The following FNIP1 variants were observed in gnomAD, a reference collection of about 807,000 sequenced individuals.
FNIP1 encodes the protein folliculin interacting protein 1.
In FNIP1, 40 loss-of-function variants were observed where a neutral mutation model predicts 124.5. The ratio of observed to expected loss-of-function variants is 0.32; its 90% CI spans 0.25 to 0.42. The LOEUF (loss-of-function observed/expected upper bound fraction) is 0.42. Ranked by LOEUF, FNIP1 falls within the 10% of genes least tolerant of loss-of-function variation. The pLI is 1.00. For missense variants in FNIP1, 1,176 were observed against 1,403.7 expected (o/e 0.84, Z 2.59); for synonymous variants, 472 against 470.6 (o/e 1.00, Z -0.04).
chr5:131,709,049 T>A, intron 8 of FNIP1, 152 bp downstream of exon 8: 2 of 614,030 alleles, frequency 3.3e-6, no homozygotes, highest in South Asian at 4.3e-5. Context: ...TGAAAAATAT[T>A]AAATTTATAA....
At position 131,644,143 on chromosome 5, in the gene FNIP1, C is replaced by A. The variant is rs937543346; in HGVS notation, c.*542G>T. 4 of 152,280 alleles carry A rather than the reference C, an allele frequency of 2.6e-5. No homozygotes were observed. The highest frequency in any genetic ancestry group is 9.7e-5 in the African/African-American group (4 of 41,412). 9.4% of individuals were successfully genotyped at this position (152,280 alleles called of 1,614,324 possible). A position where few individuals can be genotyped will look rare whatever the true frequency, so the allele number is the denominator to read the frequency against. On this transcript the variant is annotated 3_prime_UTR_variant, in exon 18 of 18. Coordinates refer to ENST00000510461, the MANE Select transcript of FNIP1 (RefSeq NM_133372.3). ...GTACACTTGGGTGGATAACATAACACATTTACACTCATTATTCTGAGTTTC... is the reference window on the plus strand; with the variant it reads ...GTACACTTGGGTGGATAACATAACAAATTTACACTCATTATTCTGAGTTTC...
intron 3 of FNIP1, among the ~76,000 whole-genome samples, chr5:131,723,408 A>G (rs967481530): frequency 1.4e-4 from 22 of 152,176 alleles, no homozygotes; most frequent in Non-Finnish European, 3.2e-4. Flanking sequence ...ATACAGTAAA[A>G]ATATTAATAA....
chr5:131,796,427 G>C (rs915495846), intron 1 of FNIP1: 1 of 198,282 alleles, frequency 5.0e-6, no homozygotes, highest in Non-Finnish European at 1.0e-5. Context: ...AACTGGTCAC[G>C]GGGAGGAGGG....
At chr5:131,666,128 C>T (rs1333708617) in intron 15 of FNIP1, among the ~76,000 whole-genome samples, 1 of 152,096 alleles carries the variant, frequency 6.6e-6, no homozygotes, top group Non-Finnish European at 1.5e-5. Flanking sequence ...ACCTCATGAT[C>T]TGCCTACCTC....
chr5:131,777,666 T>G (rs1305276658), intron 1 of FNIP1, among the ~76,000 whole-genome samples: 1 of 152,170 alleles, frequency 6.6e-6, no homozygotes, highest in African/African-American at 2.4e-5. Flanking sequence ...AACTGGTAAA[T>G]AAAACATATA....
intron 15 of FNIP1, among the ~76,000 whole-genome samples, chr5:131,660,509 T>A (rs958341145): frequency 6.6e-6 from 1 of 151,998 alleles, no homozygotes; most frequent in Non-Finnish European, 1.5e-5. Flanking sequence ...TTCAACCCCC[T>A]ATGATGTTAT....
At chr5:131,761,996 T>C (rs1580817933) in intron 1 of FNIP1, among the ~76,000 whole-genome samples, 2 of 152,132 alleles carry the variant, frequency 1.3e-5, no homozygotes. Flanking sequence ...GCCAAGAACA[T>C]ACATTTGAGA....
At chr5:131,666,616 C>G (rs1383652751) in intron 15 of FNIP1, among the ~76,000 whole-genome samples, 1 of 152,126 alleles carries the variant, frequency 6.6e-6, no homozygotes, top group Non-Finnish European at 1.5e-5. Flanking sequence ...TTAAAAACTT[C>G]TCTGAGCCAT....
Position 131,672,527 on chromosome 5 carries a change from C to A in FNIP1, c.1917G>T (p.Glu639Asp). Reference protein sequence around the residue: ...EREDIQNSSKELLGISDECQM... With the variant: ...EREDIQNSSKDLLGISDECQM... ...GGCACTCATCTGAAATTCCTAGCAG[C>A]TCCTTAGAGCTGTTTTGAATATCTT... The change falls in exon 14 of 18, where the codon GAG becomes GAT. Residue 639 changes from glutamate (E) to aspartate (D), a missense_variant. Glu to Asp is a conservative substitution (Grantham distance 45). This residue lies in a region of FNIP1 where 1,109 missense variants were observed against 1,288.5 expected (regional missense o/e 0.86). Transcript: ENST00000510461. 6.2e-7 allele frequency: 1 copy of A among 1,613,812 alleles called. No homozygotes were observed. The highest frequency in any genetic ancestry group is 8.5e-7 in the Non-Finnish European group (1 of 1,180,028).
intron 6 of FNIP1, 61 bp downstream of exon 6, chr5:131,716,503 CA>C: frequency 8.7e-7 from 1 of 1,147,832 alleles, no homozygotes; most frequent in Non-Finnish European, 1.3e-6. Flanking sequence ...GGAATAACTT[CA>C]AAAAACACTT....
chr5:131,758,479 A>G lies in FNIP1; in HGVS notation c.93-13789T>C, dbSNP rs193302052. Among the ~76,000 whole-genome samples, 5 of 152,328 alleles carry G rather than the reference A, an allele frequency of 3.3e-5. No individual in the cohort carries two copies. The East Asian group carries it at 9.6e-4, about 29-fold the overall frequency. ...ACTGAAGACAAATGTAAGCCAAATCACTAACAGTGTTAAGTATACCACCAC... is the reference window on the plus strand; with the variant it reads ...ACTGAAGACAAATGTAAGCCAAATCGCTAACAGTGTTAAGTATACCACCAC... On this transcript the variant is annotated intron_variant, in intron 1 of 17. Transcript: ENST00000510461.
intron 2 of FNIP1, among the ~76,000 whole-genome samples, chr5:131,735,603 T>C (rs1770271034): frequency 1.3e-5 from 2 of 148,956 alleles, no homozygotes; most frequent in Non-Finnish European, 3.0e-5. Flanking sequence ...TATATATGTA[T>C]ACATATACAC....
At chr5:131,740,564 G>C (rs1440235977) in intron 2 of FNIP1, among the ~76,000 whole-genome samples, 1 of 152,186 alleles carries the variant, frequency 6.6e-6, no homozygotes, top group African/African-American at 2.4e-5. Context: ...CAATGTCTAG[G>C]ATAAGGATAA....
chr5:131,685,448 CTT>C lies in FNIP1; in HGVS notation c.1203-6275_1203-6274del, dbSNP rs368323566. The stretch of plus-strand genomic sequence containing the variant: ...CAGGGGAAGCAAAACCCTTAAGAAT[CTT>C]TTTTTTTTTTTTTTTTGAGATGGAG... On this transcript the variant is annotated intron_variant, in intron 11 of 17. Coordinates refer to ENST00000510461, the MANE Select transcript of FNIP1 (RefSeq NM_133372.3). Among the ~76,000 whole-genome samples the C allele has an allele frequency of 3.1e-4, 39 of 126,052 alleles. No individual in the cohort carries two copies. In the East Asian group the frequency reaches 6.9e-3, roughly 22 times the overall value. The allele number at this position is 126,052 out of a possible 152,430, so 82.7% of individuals were successfully genotyped here. A position where few individuals can be genotyped will look rare whatever the true frequency, so the allele number is the denominator to read the frequency against.
intron 6 of FNIP1, among the ~76,000 whole-genome samples, chr5:131,711,529 T>C (rs1157248201): frequency 6.6e-6 from 1 of 152,256 alleles, no homozygotes; most frequent in Non-Finnish European, 1.5e-5. Flanking sequence ...AGTTTTGCTC[T>C]GTCATGTAGG....
At chr5:131,644,908 T>C in intron 17 of FNIP1, 145 bp from the exon 18 acceptor site, 1 of 657,494 alleles carries the variant, frequency 1.5e-6, no homozygotes, top group Non-Finnish European at 2.6e-6. Flanking sequence ...AAATTCTCAG[T>C]AAATAAAACA....
intron 15 of FNIP1, among the ~76,000 whole-genome samples, chr5:131,653,515 G>C (rs948445614): frequency 6.6e-6 from 1 of 151,548 alleles, no homozygotes; most frequent in African/African-American, 2.4e-5. Flanking sequence ...CTCTAGCCTG[G>C]GCAACAAGAG....
chr5:131,674,079 AAAGT>A (rs894461773), intron 13 of FNIP1, among the ~76,000 whole-genome samples: 3 of 151,970 alleles, frequency 2.0e-5, no homozygotes, highest in Admixed American at 6.6e-5. Flanking sequence ...ATAAAATAAA[AAAGT>A]AAGTCATATC....
rs373604926 is a variant in FNIP1 at position 131,670,570 on chromosome 5, G to A, written c.3001C>T (p.Leu1001=). 6.2e-7 allele frequency: 1 copy of A among 1,613,562 alleles called. No homozygotes were observed. Among genetic ancestry groups the A allele is most frequent in the Non-Finnish European group, 8.5e-7 (1 of 1,179,862 alleles). The part of the protein sequence containing the change: ...PNIANFGRSL[L]GGYCSSYVPD... ...ACATAAGATGAGCAGTAGCCACCCAGCAAGGACCTCCCGAAGTTGGCAATG... is the reference window on the plus strand; with the variant it reads ...ACATAAGATGAGCAGTAGCCACCCAACAAGGACCTCCCGAAGTTGGCAATG... Residue 1001 remains leucine, a synonymous_variant, in exon 15 of 18, where the codon CTG becomes TTG. Coordinates refer to ENST00000510461, the MANE Select transcript of FNIP1 (RefSeq NM_133372.3).
Sources: gnomAD v4.1 joint callset for allele counts (sites outside exome capture counted in the v4.1 genomes callset) on GRCh38, gnomAD v4.1.1 for gene constraint, gnomAD v4.1.1 regional missense constraint, MANE v1.5 for transcripts, NCBI Gene and HGNC (gene_info 2026-07-23, HGNC 2026-07-21) for gene names.